Variants in GNA13 observed in about 807,000 individuals in gnomAD.
GNA13 encodes the protein guanine nucleotide-binding protein subunit alpha-13.
A neutral mutation model predicts 33.5 loss-of-function variants in GNA13; 4 were observed. That is an observed-to-expected ratio of 0.12 (90% CI 0.06 to 0.27). The LOEUF is 0.27. Among genes scored for constraint, GNA13 ranks in the 10% least tolerant of loss-of-function variants. The pLI, the probability that GNA13 is intolerant of heterozygous loss-of-function variation, is 1.00. For synonymous variants in GNA13, 176 were observed against 183.8 expected (o/e 0.96, Z 0.34); for missense variants, 319 against 487.2 (o/e 0.65, Z 3.25).
At chr17:65,019,706 C>T (rs745471798) in intron 2 of GNA13, among the ~76,000 whole-genome samples, 1 of 152,048 alleles carries the variant, frequency 6.6e-6, no homozygotes, top group Non-Finnish European at 1.5e-5. Flanking sequence ...GAGGTGGGGA[C>T]GGCTAATAGG....
intron 2 of GNA13, among the ~76,000 whole-genome samples, chr17:65,038,191 T>C (rs987853799): frequency 6.6e-6 from 1 of 151,978 alleles, no homozygotes; most frequent in Non-Finnish European, 1.5e-5. Flanking sequence ...GATCACAAGG[T>C]CAGGAGTTCG....
chr17:65,021,574 CT>C, intron 2 of GNA13, among the ~76,000 whole-genome samples: 1 of 152,274 alleles, frequency 6.6e-6, no homozygotes, highest in African/African-American at 2.4e-5. Context: ...TTCTGCACAG[CT>C]AAAATATTAA....
At position 65,055,910 on chromosome 17, in the gene GNA13, G is replaced by C. The variant is rs909186932; in HGVS notation, c.283+401C>G. On this transcript the variant is annotated intron_variant, in intron 1 of 3. Coordinates refer to ENST00000439174, the MANE Select transcript of GNA13 (RefSeq NM_006572.6). ...CCCACATCGCCCGAGCAGGGGATGG[G>C]GGTGAAGCGGCTAGGGCTGCTATTG... 14 of 213,710 alleles carry C rather than the reference G, an allele frequency of 6.6e-5. 1 individual carries two copies. Among genetic ancestry groups the C allele is most frequent in the Non-Finnish European group, 3.3e-5 (4 of 122,772 alleles). The allele number at this position is 213,710 out of a possible 1,614,324, so 13.2% of individuals were successfully genotyped here. A position where few individuals can be genotyped will look rare whatever the true frequency, so the allele number is the denominator to read the frequency against.
In GNA13 at chr17:65,012,840, G is replaced by A. The variant is rs562331969; in HGVS notation, c.*1417C>T. Reference sequence around the variant, plus strand: ...AAGCTGTCAGACTTTTCAAGCTGTCGCCAGCCTTGGACTTCTGTTTCTCTA... The same window carrying A: ...AAGCTGTCAGACTTTTCAAGCTGTCACCAGCCTTGGACTTCTGTTTCTCTA... On this transcript the variant is annotated 3_prime_UTR_variant, in exon 4 of 4. Transcript: ENST00000439174. The A allele has an allele frequency of 5.5e-4, 121 of 218,022 alleles. No homozygotes were observed. Among genetic ancestry groups the A allele is most frequent in the African/African-American group, 2.7e-3 (119 of 44,596 alleles). The allele number at this position is 218,022 out of a possible 1,614,324, so 13.5% of individuals were successfully genotyped here.
rs1906220102 is a variant in GNA13 at position 65,012,335 on chromosome 17, T to C, written c.*1922A>G. 2 of 223,664 alleles carry C rather than the reference T, an allele frequency of 8.9e-6. No homozygotes were observed. Among genetic ancestry groups the C allele is most frequent in the Middle Eastern group, 1.3e-3 (1 of 754 alleles). The allele number at this position is 223,664 out of a possible 1,614,324, so 13.9% of individuals were successfully genotyped here. On this transcript the variant is annotated 3_prime_UTR_variant, in exon 4 of 4. Transcript: ENST00000439174. ...TAAACTCTCCAATGAATAGTCCAAATGTTACTGTGCACATATTCCGATATT... is the reference window on the plus strand; with the variant it reads ...TAAACTCTCCAATGAATAGTCCAAACGTTACTGTGCACATATTCCGATATT...
rs943484710 is a variant in GNA13, at chr17:65,042,192, C to G, written c.510+11310G>C. On this transcript the variant is annotated intron_variant, in intron 2 of 3. Coordinates refer to ENST00000439174, the MANE Select transcript of GNA13 (RefSeq NM_006572.6). Reference sequence around the variant, plus strand: ...TGACCAAAATGGAGAAACCTTGTCTCTACTAAAAATACAAAATTAGCCAGG... The same window carrying G: ...TGACCAAAATGGAGAAACCTTGTCTGTACTAAAAATACAAAATTAGCCAGG... Among the ~76,000 whole-genome samples the G allele has an allele frequency of 1.3e-4, 20 of 151,950 alleles. 1 individual carries two copies. The East Asian group carries it at 3.9e-3, about 29-fold the overall frequency.
intron 2 of GNA13, among the ~76,000 whole-genome samples, chr17:65,036,770 CT>C (rs1367868882): frequency 6.6e-6 from 1 of 152,194 alleles, no homozygotes; most frequent in African/African-American, 2.4e-5. Flanking sequence ...TCCTTCACCT[CT>C]GTGGCCATAT....
At chr17:65,018,520 T>G (rs1006922370) in intron 2 of GNA13, among the ~76,000 whole-genome samples, 11 of 152,224 alleles carry the variant, frequency 7.2e-5, no homozygotes, top group African/African-American at 2.7e-4. Context: ...AAATGCTTAA[T>G]AGAATCAATA....
intron 2 of GNA13, among the ~76,000 whole-genome samples, chr17:65,027,671 G>GA (rs1183587713): frequency 6.6e-6 from 1 of 151,982 alleles, no homozygotes; most frequent in Non-Finnish European, 1.5e-5. Context: ...ATATATGTTT[G>GA]AAAAAAGTGA....
Position 65,014,453 on chromosome 17 carries a change from T to C in GNA13, c.938A>G (p.Glu313Gly). 6.2e-7 allele frequency: 1 copy of C among 1,614,150 alleles called. No individual in the cohort carries two copies. Among genetic ancestry groups the C allele is most frequent in the Non-Finnish European group, 8.5e-7 (1 of 1,179,980 alleles). Reference sequence around the variant, plus strand: ...GTCTCTTAAGCAGTGGGGATCCCCTTCAAATTCTAGGAAATAGTCTTTGAT... The same window carrying C: ...GTCTCTTAAGCAGTGGGGATCCCCTCCAAATTCTAGGAAATAGTCTTTGAT... ...VSIKDYFLEF[E>G]GDPHCLRDVQ... Residue 313 changes from glutamate (E) to glycine (G), a missense_variant, in exon 4 of 4, where the codon GAA becomes GGA. Physicochemically the swap from Glu to Gly is moderately conservative, Grantham distance 98 (BLOSUM62 -2). This residue lies in a region of GNA13 where 134 missense variants were observed against 241.3 expected (regional missense o/e 0.56). Transcript: ENST00000439174. The surrounding 1 kb of genome is among the most constrained non-coding windows in gnomAD (Gnocchi z 5.3).
chr17:65,018,138 A>AAAAAAAAAAAAAAAAAAAAAAAAAAGAG (rs1555600538), intron 3 of GNA13, 115 bp downstream of exon 3: 1 of 69,632 alleles, frequency 1.4e-5, no homozygotes, highest in African/African-American at 6.2e-5. Flanking sequence ...AAAAAAAAAA[A>AAAAAAAAAAAAAAAAAAAAAAAAAAGAG]AGAGAGAAAG....
At chr17:65,036,274 T>A (rs1382430948) in intron 2 of GNA13, among the ~76,000 whole-genome samples, 1 of 152,212 alleles carries the variant, frequency 6.6e-6, no homozygotes, top group Non-Finnish European at 1.5e-5. Flanking sequence ...TCAAAATGTA[T>A]GCTGGCACAT....
Position 65,018,092 on chromosome 17 carries a change from TAA to T in GNA13, c.561+159_561+160del, listed in dbSNP as rs767082596. Reference sequence around the variant, plus strand: ...CAGAGAAGAATCAGAACGCCACCACTAAAAAAAAAAAAAAAAAAAAAAAAAAA... The same window carrying T: ...CAGAGAAGAATCAGAACGCCACCACTAAAAAAAAAAAAAAAAAAAAAAAAA... On this transcript the variant is annotated intron_variant, in intron 3 of 3. Transcript: ENST00000439174. Among the ~76,000 whole-genome samples, 88 of 21,506 alleles carry T rather than the reference TAA, an allele frequency of 4.1e-3. 2 individuals are homozygous for T. The highest frequency in any genetic ancestry group is 6.4e-3 in the Admixed American group (12 of 1,872). 14.1% of individuals were successfully genotyped at this position (21,506 alleles called of 152,430 possible).
At chr17:65,015,554 T>C (rs927296049) in intron 3 of GNA13, among the ~76,000 whole-genome samples, 6 of 151,076 alleles carry the variant, frequency 4.0e-5, no homozygotes, top group African/African-American at 1.5e-4. Context: ...TCCCAGCTAC[T>C]TGGGAGGCTG....
chr17:65,025,640 A>C (rs1906750943), intron 2 of GNA13, among the ~76,000 whole-genome samples: 1 of 152,172 alleles, frequency 6.6e-6, no homozygotes, highest in Non-Finnish European at 1.5e-5. Flanking sequence ...ATAGACACCT[A>C]AACATTGCAT....
intron 2 of GNA13, among the ~76,000 whole-genome samples, chr17:65,034,012 C>CAAAAAAAAAAAAAAAAAAAA (rs780895691): frequency 2.0e-5 from 1 of 50,090 alleles, no homozygotes; most frequent in Non-Finnish European, 3.2e-5. Flanking sequence ...GACTCCGTCT[C>CAAAAAAAAAAAAAAAAAAAA]AAAAAAAAAA....
intron 2 of GNA13, among the ~76,000 whole-genome samples, chr17:65,025,969 T>C (rs1193564747): frequency 6.6e-6 from 1 of 151,872 alleles, no homozygotes; most frequent in African/African-American, 2.4e-5. Flanking sequence ...TCGTTTTACG[T>C]GGTAAACAGG....
rs113505039 is a variant in GNA13 at position 65,051,172 on chromosome 17, T to G, written c.510+2330A>C. ...AGGTATGCAGTTCTTTATTTATTCA[T>G]TTAATCCATATGCACTGTATGCTTA... On this transcript the variant is annotated intron_variant, in intron 2 of 3. Transcript: ENST00000439174. Among the ~76,000 whole-genome samples the G allele has an allele frequency of 2.9e-3, 442 of 152,330 alleles. 4 individuals carry two copies. Among genetic ancestry groups the G allele is most frequent in the African/African-American group, 0.01 (425 of 41,582 alleles).
chr17:65,029,725 A>G (rs1349727988), intron 2 of GNA13, among the ~76,000 whole-genome samples: 2 of 152,222 alleles, frequency 1.3e-5, no homozygotes, highest in Non-Finnish European at 2.9e-5. Flanking sequence ...CTAGGATAGC[A>G]ATTTTACCCT....
Sources: gnomAD v4.1 joint callset for allele counts (sites outside exome capture counted in the v4.1 genomes callset) on GRCh38, gnomAD v4.1.1 for gene constraint, gnomAD v4.1.1 regional missense constraint, Gnocchi (gnomAD v3.1) non-coding constraint, MANE v1.5 for transcripts, NCBI Gene and HGNC (gene_info 2026-07-23, HGNC 2026-07-21) for gene names.